ARHGEF12: variants seen among roughly 807,000 people sequenced by gnomAD.
ARHGEF12 encodes the protein KMT2A/ARHGEF12 fusion protein.
Under a neutral mutation model 211.2 loss-of-function variants are expected in ARHGEF12, and 66 were observed. The observed-to-expected ratio is 0.31, with a 90% CI of 0.26 to 0.38. ARHGEF12 has a LOEUF of 0.38. Ranked by LOEUF, ARHGEF12 falls within the 10% of genes least tolerant of loss-of-function variation. The pLI is 1.00. For synonymous variants in ARHGEF12, 592 were observed against 638.4 expected (o/e 0.93, Z 1.09); for missense variants, 1,429 against 1,869.5 (o/e 0.76, Z 4.34).
rs537825398 is a variant in ARHGEF12 at position 120,374,765 on chromosome 11, AC to A, written c.33-31352del. ...AACTTTTCTTTTTAAATTGTGAAAA[AC>A]GTATATGATGGTTACAGCAAAGATT... On this transcript the variant is annotated intron_variant, in intron 1 of 40. Transcript: ENST00000397843. 1.2e-3 allele frequency among the ~76,000 whole-genome samples: 188 copies of A among 152,284 alleles called. 1 individual carries two copies. The highest frequency in any genetic ancestry group is 2.0e-3 in the Non-Finnish European group (137 of 68,012).
At chr11:120,388,661 G>A (rs1944114547) in intron 1 of ARHGEF12, among the ~76,000 whole-genome samples, 1 of 152,122 alleles carries the variant, frequency 6.6e-6, no homozygotes, top group Non-Finnish European at 1.5e-5. Context: ...ATTTTACTGT[G>A]TGTGTGATGG....
intron 11 of ARHGEF12, among the ~76,000 whole-genome samples, chr11:120,437,102 T>C (rs928360443): frequency 1.3e-5 from 2 of 152,168 alleles, no homozygotes; most frequent in Non-Finnish European, 2.9e-5. Flanking sequence ...TCTGTATTGT[T>C]TATCAATATA....
At chr11:120,375,149 A>G (rs1373212843) in intron 1 of ARHGEF12, among the ~76,000 whole-genome samples, 2 of 152,216 alleles carry the variant, frequency 1.3e-5, no homozygotes, top group African/African-American at 4.8e-5. Context: ...TGCCACAGTT[A>G]GCCACTGTAT....
At chr11:120,404,614 G>C (rs1275083111) in intron 1 of ARHGEF12, among the ~76,000 whole-genome samples, 1 of 152,032 alleles carries the variant, frequency 6.6e-6, no homozygotes, top group Non-Finnish European at 1.5e-5. Flanking sequence ...TCAGGAAACG[G>C]GTTTACAATC....
At chr11:120,474,709 A>C (rs776718753) in intron 32 of ARHGEF12, 74 bp downstream of exon 32, 11 of 1,158,524 alleles carry the variant, frequency 9.5e-6, no homozygotes, top group Non-Finnish European at 1.4e-5. Flanking sequence ...CCTATGACAA[A>C]GGGAAGAGGA....
rs1943452671 is a variant in ARHGEF12, at chr11:120,367,353, C to CTTTTCTTTTTTTTTTTTTTTTTTT, written c.32+30082_32+30083insCTTTTTTTTTTTTTTTTTTTTTTT. Among the ~76,000 whole-genome samples, 4 of 59,350 alleles carry CTTTTCTTTTTTTTTTTTTTTTTTT rather than the reference C, an allele frequency of 6.7e-5. No individual in the cohort carries two copies. In the Admixed American group the frequency reaches 1.0e-3, roughly 16 times the overall value. The allele number at this position is 59,350 out of a possible 152,430, so 38.9% of individuals were successfully genotyped here. Reference sequence around the variant, plus strand: ...AAAAAATCTGTTAGGATACTTTTTCCTTTTTTTTTTTTTTTTTTTTTTTTT... The same window carrying CTTTTCTTTTTTTTTTTTTTTTTTT: ...AAAAAATCTGTTAGGATACTTTTTCCTTTTCTTTTTTTTTTTTTTTTTTTTTTTTTTTTTTTTTTTTTTTTTTTT... On this transcript the variant is annotated intron_variant, in intron 1 of 40. Coordinates refer to ENST00000397843, the MANE Select transcript of ARHGEF12 (RefSeq NM_015313.3).
intron 7 of ARHGEF12, among the ~76,000 whole-genome samples, chr11:120,426,410 A>T (rs1025144093): frequency 1.3e-5 from 2 of 152,206 alleles, no homozygotes; most frequent in African/African-American, 4.8e-5. Context: ...TCCAAAACTG[A>T]TGTAAATTTG....
At chr11:120,379,296 T>G (rs1943814129) in intron 1 of ARHGEF12, among the ~76,000 whole-genome samples, 1 of 152,024 alleles carries the variant, frequency 6.6e-6, no homozygotes, top group Non-Finnish European at 1.5e-5. Flanking sequence ...CTAAACTTGC[T>G]TTTTGGTGCT....
At chr11:120,483,830 G>T (rs1947326097) in intron 39 of ARHGEF12, among the ~76,000 whole-genome samples, 1 of 152,142 alleles carries the variant, frequency 6.6e-6, no homozygotes, top group Admixed American at 6.5e-5. Context: ...TAGCCTGGAT[G>T]GTCTCGATCT....
At chr11:120,472,991 A>G in intron 30 of ARHGEF12, 59 bp from the exon 31 acceptor site, 3 of 1,506,010 alleles carry the variant, frequency 2.0e-6, no homozygotes, top group East Asian at 2.3e-5. Flanking sequence ...TGATTCAGAA[A>G]TAGAGAGGTC....
intron 1 of ARHGEF12, chr11:120,337,943 A>C (rs1032053092): frequency 2.0e-6 from 2 of 976,142 alleles, no homozygotes; most frequent in African/African-American, 3.5e-5. Flanking sequence ...CGTTTAAGAG[A>C]TATAAGCCGT....
intron 12 of ARHGEF12, chr11:120,439,908 CA>C (rs1049500356): frequency 6.6e-5 from 31 of 467,224 alleles, no homozygotes; most frequent in East Asian, 3.6e-4. Flanking sequence ...TTTTTCCCCC[CA>C]AAAAAAACTC....
At chr11:120,428,373 T>G in intron 8 of ARHGEF12, 126 bp downstream of exon 8, 7 of 771,518 alleles carry the variant, frequency 9.1e-6, no homozygotes, top group Non-Finnish European at 1.3e-5. Context: ...AATGATTTAC[T>G]AATATAAAAA....
chr11:120,484,166 G>A (rs765142905), intron 39 of ARHGEF12, among the ~76,000 whole-genome samples: 1 of 152,208 alleles, frequency 6.6e-6, no homozygotes, highest in African/African-American at 2.4e-5. Flanking sequence ...GTGACTCCTG[G>A]GGGTGGGAGA....
At chr11:120,361,852 A>G (rs1225904547) in intron 1 of ARHGEF12, among the ~76,000 whole-genome samples, 2 of 152,244 alleles carry the variant, frequency 1.3e-5, no homozygotes, top group African/African-American at 4.8e-5. Context: ...AGCCTGTCTC[A>G]GGCATGCACA....
At chr11:120,411,461 A>C (rs983430402) in intron 4 of ARHGEF12, 1 of 151,600 alleles carries the variant, frequency 6.6e-6, no homozygotes, top group African/African-American at 2.4e-5. Context: ...GTAGGGTCTT[A>C]TTATAAGCCC....
At chr11:120,457,647 T>C in intron 23 of ARHGEF12, 74 bp from the exon 24 acceptor site, 1 of 1,148,678 alleles carries the variant, frequency 8.7e-7, no homozygotes, top group Non-Finnish European at 1.2e-6. Context: ...TTAACCTAGC[T>C]TTGAGTATCT....
At chr11:120,409,228 C>T in intron 3 of ARHGEF12, 166 bp from the exon 4 acceptor site, 3 of 576,306 alleles carry the variant, frequency 5.2e-6, no homozygotes, top group East Asian at 2.9e-5. Context: ...ATGTCATTAC[C>T]TGTGCTGTTT....
At chr11:120,407,620 G>A in intron 2 of ARHGEF12, 118 bp from the exon 3 acceptor site, 1 of 678,040 alleles carries the variant, frequency 1.5e-6, no homozygotes, top group Non-Finnish European at 2.5e-6. Context: ...GGCTTATGGT[G>A]CTGTGTAAAG....
Sources: gnomAD v4.1 joint callset for allele counts (sites outside exome capture counted in the v4.1 genomes callset) on GRCh38, gnomAD v4.1.1 for gene constraint, MANE v1.5 for transcripts, NCBI Gene and HGNC (gene_info 2026-07-23, HGNC 2026-07-21) for gene names.